Variants in MRPS7 observed in about 807,000 individuals in gnomAD.
MRPS7 encodes mitochondrial ribosomal protein S7.
Under a neutral mutation model 26.2 loss-of-function variants are expected in MRPS7, and 13 were observed. The ratio of observed to expected loss-of-function variants is 0.50; its 90% CI spans 0.32 to 0.79. The LOEUF (loss-of-function observed/expected upper bound fraction) is 0.79, where lower values mean the gene tolerates loss of function less well. Ranked by LOEUF, MRPS7 falls within the 30% of genes least tolerant of loss-of-function variation. The pLI is 0.03. For synonymous variants in MRPS7, 129 were observed against 113.3 expected (o/e 1.14, Z -0.88); for missense variants, 318 against 312.2 (o/e 1.02, Z -0.14).
chr17:75,262,011 GGGC>G, intron 1 of MRPS7, 28 bp downstream of exon 1: 1 of 1,600,628 alleles, frequency 6.2e-7, no homozygotes. Flanking sequence ...AGCGGCGGGG[GGGC>G]GCTGCGAGGA....
chr17:75,262,952 G>A (rs1277824906), intron 3 of MRPS7, 85 bp downstream of exon 3: 1 of 1,306,764 alleles, frequency 7.7e-7, no homozygotes, highest in Non-Finnish European at 1.1e-6. Context: ...TAGCTTAAGA[G>A]CAAATGGATT....
chr17:75,265,678 T>C, intron 4 of MRPS7, 24 bp from the exon 5 acceptor site: 1 of 1,604,362 alleles, frequency 6.2e-7, no homozygotes, highest in South Asian at 1.1e-5. Flanking sequence ...TTGGACCAAC[T>C]TGCCTATGTC....
rs2077485415 is a variant in MRPS7 at position 75,266,368 on chromosome 17, C to T, written c.*445C>T. 2.7e-6 allele frequency: 1 copy of T among 376,658 alleles called. No individual in the cohort carries two copies. The allele number at this position is 376,658 out of a possible 1,614,324, so 23.3% of individuals were successfully genotyped here. ...ATACAAAATGTATAAAAAGCAGTTT[C>T]TGGTGTGACTTGTGCTCTGCCTCCA... is the stretch of plus-strand genomic sequence containing the variant. On this transcript the variant is annotated 3_prime_UTR_variant, in exon 5 of 5. Coordinates refer to ENST00000245539, the MANE Select transcript of MRPS7 (RefSeq NM_015971.4).
Position 75,266,089 on chromosome 17 carries a change from G to T in MRPS7, c.*166G>T. On this transcript the variant is annotated 3_prime_UTR_variant, in exon 5 of 5. Transcript: ENST00000245539. ...ACTATCCGTTAATCCTTCTTTCTTT[G>T]AGGCTGGAACTTGCTCTCTCTGCCC... is the stretch of plus-strand genomic sequence containing the variant. 1.5e-6 allele frequency: 1 copy of T among 650,204 alleles called. No homozygotes were observed. The highest frequency in any genetic ancestry group is 2.6e-6 in the Non-Finnish European group (1 of 380,694). The allele number at this position is 650,204 out of a possible 1,614,324, so 40.3% of individuals were successfully genotyped here.
Position 75,261,979 on chromosome 17 carries a change from C to G in MRPS7, c.79C>G (p.Pro27Ala), listed in dbSNP as rs778523905. The change falls in exon 1 of 5, where the codon CCA (proline) becomes GCA (alanine). Residue 27 changes from proline to alanine, a missense_variant. Physicochemically the swap from Pro to Ala is conservative, Grantham distance 27. Coordinates refer to ENST00000245539, the MANE Select transcript of MRPS7 (RefSeq NM_015971.4). Reference protein sequence around the residue: ...LGVRRAVLQLPGLTQVRWSRY... With the variant: ...LGVRRAVLQLAGLTQVRWSRY... ...CGTGCGGCGGGCTGTCTTGCAGCTT[C>G]CAGGGTGAGAGGGTGGCGAGCAGCG... is the stretch of plus-strand genomic sequence containing the variant. 1.3e-6 allele frequency: 2 copies of G among 1,588,956 alleles called. No individual in the cohort carries two copies.
chr17:75,263,900 A>AAAAC (rs1567817065), intron 4 of MRPS7: 1 of 151,638 alleles, frequency 6.6e-6, no homozygotes, highest in Non-Finnish European at 1.4e-5. Context: ...AAAAAAAAAA[A>AAAAC]CGGCTGGGCA....
chr17:75,264,806 C>T (rs2077460366), intron 4 of MRPS7, among the ~76,000 whole-genome samples: 1 of 151,672 alleles, frequency 6.6e-6, no homozygotes. Flanking sequence ...CAGTCCCTGC[C>T]CACCCCAAGT....
chr17:75,266,275 T>C lies in MRPS7; in HGVS notation c.*352T>C, dbSNP rs1598150875. ...TTAGAAAATTCTCACGCTGAACTGG[T>C]GTAGCATGTGGTGCAGCATTCAGTG... On this transcript the variant is annotated 3_prime_UTR_variant, in exon 5 of 5. Transcript: ENST00000245539. 2.6e-6 allele frequency: 1 copy of C among 380,114 alleles called. No individual in the cohort carries two copies. The highest frequency in any genetic ancestry group is 2.6e-5 in the South Asian group (1 of 38,984). 23.5% of individuals were successfully genotyped at this position (380,114 alleles called of 1,614,324 possible).
intron 4 of MRPS7, 94 bp from the exon 5 acceptor site, chr17:75,265,608 G>C: frequency 1.8e-6 from 2 of 1,112,122 alleles, no homozygotes; most frequent in Non-Finnish European, 2.7e-6. Context: ...GGTCCAGAGG[G>C]AACATGTGGC....
At chr17:75,264,780 A>G (rs961260498) in intron 4 of MRPS7, among the ~76,000 whole-genome samples, 1 of 151,276 alleles carries the variant, frequency 6.6e-6, no homozygotes, top group African/African-American at 2.4e-5. Context: ...CCCGGGTTCA[A>G]GAGATTCTCC....
chr17:75,265,577 T>C, intron 4 of MRPS7, 125 bp from the exon 5 acceptor site: 1 of 779,832 alleles, frequency 1.3e-6, no homozygotes, highest in Non-Finnish European at 2.1e-6. Context: ...CAGGCCCTTC[T>C]CCCCAGGCCT....
rs767619087 is a variant in MRPS7, at chr17:75,262,689, G to A, written c.275+1G>A. On this transcript the variant is annotated splice_donor_variant, in intron 2 of 4. Coordinates refer to ENST00000245539, the MANE Select transcript of MRPS7 (RefSeq NM_015971.4). LOFTEE classifies it high-confidence loss of function. Reference sequence around the variant, plus strand: ...CTGTGTTTGAAGACCCAGTCATCAGGTTAGATGGAAACAAACACTTGTTAC... The same window carrying A: ...CTGTGTTTGAAGACCCAGTCATCAGATTAGATGGAAACAAACACTTGTTAC... The A allele has an allele frequency of 1.2e-6, 2 of 1,614,150 alleles. No individual in the cohort carries two copies.
intron 4 of MRPS7, chr17:75,264,431 A>C (rs2077455236): frequency 6.6e-6 from 1 of 152,156 alleles, no homozygotes; most frequent in South Asian, 2.1e-4. Context: ...ATGCTTCATC[A>C]GTGTTTGCTG....
At position 75,262,539 on chromosome 17, in the gene MRPS7, G is replaced by A; in HGVS notation, c.126G>A (p.Lys42=). The A allele has an allele frequency of 6.2e-7, 1 of 1,614,078 alleles. No individual in the cohort carries two copies. The highest frequency in any genetic ancestry group is 1.1e-5 in the South Asian group (1 of 91,084). Residue 42 remains lysine (K), a synonymous_variant, in exon 2 of 5, where the codon AAG becomes AAA. Transcript: ENST00000245539. ...GGAGCCGCTATAGTCCTGAATTCAA[G>A]GATCCCTTGATTGACAAGGAATATT... ...VRWSRYSPEF[K]DPLIDKEYYR...
chr17:75,263,428 C>T lies in MRPS7; in HGVS notation c.428C>T (p.Thr143Ile), dbSNP rs114963701. ...EQATIERNPY[T>I]IFHQALKNCE... ...GCAACCATCGAACGCAACCCCTACA[C>T]CATCTTCCATCAAGCACTGAAAAAC... Residue 143 changes from threonine (T) to isoleucine (I), a missense_variant, in exon 4 of 5, where the codon ACC becomes ATC. Coordinates refer to ENST00000245539, the MANE Select transcript of MRPS7 (RefSeq NM_015971.4). 3 of 1,614,148 alleles carry T rather than the reference C, an allele frequency of 1.9e-6. No homozygotes were observed. The African/African-American group carries it at 4.0e-5, about 22-fold the overall frequency.
At chr17:75,262,009 G>T (rs771350492) in intron 1 of MRPS7, 26 bp downstream of exon 1, 7 of 1,601,048 alleles carry the variant, frequency 4.4e-6, no homozygotes, top group Middle Eastern at 1.7e-4. Context: ...GCAGCGGCGG[G>T]GGGGCGCTGC....
intron 3 of MRPS7, 73 bp downstream of exon 3, chr17:75,262,940 T>C: frequency 4.1e-6 from 6 of 1,449,894 alleles, no homozygotes; most frequent in Non-Finnish European, 5.8e-6. Context: ...GTACTTTCAG[T>C]GTAGCTTAAG....
chr17:75,263,504 C>G lies in MRPS7; in HGVS notation c.504C>G (p.Tyr168Ter), dbSNP rs758323165. The G allele has an allele frequency of 6.2e-7, 1 of 1,613,890 alleles. No homozygotes were observed. The highest frequency in any genetic ancestry group is 8.5e-7 in the Non-Finnish European group (1 of 1,180,000). The change falls in exon 4 of 5, where the codon TAC becomes TAG. Residue 168 changes from tyrosine to a stop codon, truncating the protein, a stop_gained. Coordinates refer to ENST00000245539, the MANE Select transcript of MRPS7 (RefSeq NM_015971.4). LOFTEE classifies it high-confidence loss of function. Reference sequence around the variant, plus strand: ...CCATCCTCAAGGGAGGCCGTTTCTACCAGGTGAATGAATGGCCAGGGCAAG... The same window carrying G: ...CCATCCTCAAGGGAGGCCGTTTCTAGCAGGTGAATGAATGGCCAGGGCAAG... ...LVPILKGGRF[Y>*]QVPVPLPDRR...
At position 75,266,274 on chromosome 17, in the gene MRPS7, G is replaced by T. The variant is rs2077482547; in HGVS notation, c.*351G>T. The T allele has an allele frequency of 7.9e-6, 3 of 380,380 alleles. No individual in the cohort carries two copies. The highest frequency in any genetic ancestry group is 7.7e-5 in the South Asian group (3 of 38,982). 23.6% of individuals were successfully genotyped at this position (380,380 alleles called of 1,614,324 possible). A position where few individuals can be genotyped will look rare whatever the true frequency, so the allele number is the denominator to read the frequency against. ...ATTAGAAAATTCTCACGCTGAACTG[G>T]TGTAGCATGTGGTGCAGCATTCAGT... On this transcript the variant is annotated 3_prime_UTR_variant, in exon 5 of 5. Coordinates refer to ENST00000245539, the MANE Select transcript of MRPS7 (RefSeq NM_015971.4).
Sources: gnomAD v4.1 joint callset for allele counts (sites outside exome capture counted in the v4.1 genomes callset) on GRCh38, gnomAD v4.1.1 for gene constraint, MANE v1.5 for transcripts, NCBI Gene and HGNC (gene_info 2026-07-23, HGNC 2026-07-21) for gene names.